The following RARB variants were observed in gnomAD, a reference collection of about 807,000 sequenced individuals.
RARB encodes the protein HBV-activated protein.
A neutral mutation model predicts 51.9 loss-of-function variants in RARB; 17 were observed. That is an observed-to-expected ratio of 0.33 (90% CI 0.22 to 0.49). The LOEUF is 0.49. RARB is among the 20% of genes least tolerant of loss of function. The pLI, the probability that RARB is intolerant of heterozygous loss-of-function variation, is 0.99. For missense variants in RARB, 369 were observed against 550.8 expected, an observed-to-expected ratio of 0.67 and a Z score of 3.30; for synonymous variants, 215 against 195.4, an observed-to-expected ratio of 1.10 and a Z score of -0.84.
At chr3:25,294,912 T>G (rs1010307248) in intron 5 of RARB, among the ~76,000 whole-genome samples, 2 of 152,146 alleles carry the variant, frequency 1.3e-5, no homozygotes, top group Non-Finnish European at 2.9e-5. Flanking sequence ...TATCACAGGG[T>G]ATCGAGGTGT....
chr3:25,101,296 G>C (rs1176143309), intron 3 of RARB, among the ~76,000 whole-genome samples: 1 of 152,012 alleles, frequency 6.6e-6, no homozygotes, highest in Admixed American at 6.6e-5. Flanking sequence ...CCAATAAGAA[G>C]AGCAAAACAT....
chr3:24,832,078 C>A (rs1702289644), intron 1 of RARB, among the ~76,000 whole-genome samples: 1 of 152,012 alleles, frequency 6.6e-6, no homozygotes, highest in East Asian at 1.9e-4. Context: ...ATTGTTTTAA[C>A]CTTAGGGACA....
intron 5 of RARB, among the ~76,000 whole-genome samples, chr3:25,254,404 A>C (rs1702806912): frequency 6.6e-6 from 1 of 152,198 alleles, no homozygotes; most frequent in Admixed American, 6.5e-5. Flanking sequence ...AAGTTGAGTG[A>C]ACTTTAGTCA....
chr3:24,983,612 T>G (rs1343472304), intron 2 of RARB, among the ~76,000 whole-genome samples: 1 of 152,164 alleles, frequency 6.6e-6, no homozygotes. Flanking sequence ...CAACCCCCAC[T>G]TATGAGTGAG....
At chr3:25,451,822 T>G (rs1709207848) in intron 1 of RARB, among the ~76,000 whole-genome samples, 1 of 152,242 alleles carries the variant, frequency 6.6e-6, no homozygotes, top group Non-Finnish European at 1.5e-5. Flanking sequence ...GTATCTGAAA[T>G]GATATACATG....
intron 2 of RARB, among the ~76,000 whole-genome samples, chr3:24,958,854 G>A (rs1243827674): frequency 2.6e-5 from 4 of 152,136 alleles, no homozygotes; most frequent in Admixed American, 6.5e-5. Context: ...AGTCAAACAC[G>A]TGAAACAGGA....
intron 1 of RARB, among the ~76,000 whole-genome samples, chr3:24,834,515 G>A (rs1702317935): frequency 6.6e-6 from 1 of 152,104 alleles, no homozygotes; most frequent in African/African-American, 2.4e-5. Flanking sequence ...GTTGTAGCAG[G>A]CTTCCCCTCT....
intron 5 of RARB, among the ~76,000 whole-genome samples, chr3:25,202,075 TG>T (rs1192360578): frequency 2.0e-5 from 3 of 152,210 alleles, no homozygotes; most frequent in Non-Finnish European, 4.4e-5. Context: ...GGACTTTTTT[TG>T]GTTGGTAAGC....
chr3:24,879,950 G>C (rs1304271370), intron 2 of RARB, among the ~76,000 whole-genome samples: 2 of 111,798 alleles, frequency 1.8e-5, no homozygotes, highest in African/African-American at 9.2e-5. Context: ...CTTGAGTTTT[G>C]TGTTACGCCT....
chr3:25,334,897 C>G (rs1179631051), intron 5 of RARB, among the ~76,000 whole-genome samples: 2 of 151,954 alleles, frequency 1.3e-5, no homozygotes, highest in African/African-American at 2.4e-5. Flanking sequence ...TTCAAGCTAG[C>G]ATTATGTGTT....
intron 2 of RARB, among the ~76,000 whole-genome samples, chr3:25,041,364 G>C (rs182291432): frequency 2.0e-5 from 3 of 151,594 alleles, no homozygotes; most frequent in Non-Finnish European, 2.9e-5. Flanking sequence ...TTAAATATTC[G>C]AATCCATCTT....
chr3:25,210,197 C>T (rs1473020663), intron 5 of RARB, among the ~76,000 whole-genome samples: 1 of 152,128 alleles, frequency 6.6e-6, no homozygotes, highest in East Asian at 1.9e-4. Context: ...CTAGGCATGG[C>T]CTGTCCGTTA....
At chr3:25,525,625 T>G (rs1698613534) in intron 3 of RARB, among the ~76,000 whole-genome samples, 1 of 152,244 alleles carries the variant, frequency 6.6e-6, no homozygotes, top group Non-Finnish European at 1.5e-5. Context: ...GTTCCTGATG[T>G]CCTGAAGTTT....
At chr3:25,370,038 A>T (rs914133381) in intron 5 of RARB, among the ~76,000 whole-genome samples, 2 of 152,222 alleles carry the variant, frequency 1.3e-5, no homozygotes, top group African/African-American at 2.4e-5. Context: ...AAAACAGAAC[A>T]AAACACACAC....
chr3:25,201,224 C>T (rs57227248), intron 5 of RARB, among the ~76,000 whole-genome samples: 145 of 152,192 alleles, frequency 9.5e-4, no homozygotes, highest in African/African-American at 3.4e-3. Flanking sequence ...TGATTTGGCT[C>T]TCTGTTTTTC....
intron 5 of RARB, among the ~76,000 whole-genome samples, chr3:25,213,302 T>C (rs997130470): frequency 6.6e-6 from 1 of 152,202 alleles, no homozygotes; most frequent in Non-Finnish European, 1.5e-5. Context: ...CACTACATAC[T>C]ATATAATCAC....
At chr3:25,059,265 A>AC (rs1413776250) in intron 2 of RARB, among the ~76,000 whole-genome samples, 10 of 151,764 alleles carry the variant, frequency 6.6e-5, no homozygotes, top group Non-Finnish European at 1.5e-4. Flanking sequence ...TTTTATAAAT[A>AC]CTTGGATGCC....
intron 3 of RARB, among the ~76,000 whole-genome samples, chr3:25,071,275 A>C (rs1347359799): frequency 6.6e-6 from 1 of 152,236 alleles, no homozygotes; most frequent in African/African-American, 2.4e-5. Flanking sequence ...AAATCATACC[A>C]GGGAAGACAG....
chr3:25,025,068 G>A (rs189255771), intron 2 of RARB: 1 of 152,170 alleles, frequency 6.6e-6, no homozygotes, highest in East Asian at 1.9e-4. Context: ...AGCAGGATTG[G>A]GCCTGGTTAG....
Sources: gnomAD v4.1 joint callset for allele counts (sites outside exome capture counted in the v4.1 genomes callset) on GRCh38, gnomAD v4.1.1 for gene constraint, MANE v1.5 for transcripts, NCBI Gene and HGNC (gene_info 2026-07-23, HGNC 2026-07-21) for gene names.